The following MRAP variants were observed in gnomAD, a reference collection of about 807,000 sequenced individuals.
MRAP encodes the protein melanocortin 2 receptor accessory protein.
In MRAP, 8 loss-of-function variants were observed where a neutral mutation model predicts 8.7. The observed-to-expected ratio is 0.92, with a 90% CI of 0.54 to 1.66. MRAP has a LOEUF of 1.66. Among genes scored for constraint, MRAP ranks in the 40% most tolerant of loss-of-function variants. The probability of loss-of-function intolerance (pLI) is 0.00; values close to 1 mark genes in which losing one functional copy is unlikely to be tolerated. For missense variants in MRAP, 237 were observed against 217.1 expected, an observed-to-expected ratio of 1.09 and a Z score of -0.58; for synonymous variants, 95 against 95.5, an observed-to-expected ratio of 1.00 and a Z score of 0.03.
chr21:32,292,720 T>C (rs1266917819), intron 1 of MRAP, among the ~76,000 whole-genome samples: 1 of 151,876 alleles, frequency 6.6e-6, no homozygotes, highest in African/African-American at 2.4e-5. Flanking sequence ...GCCTCCCAAA[T>C]TGCAGGTAAT....
At chr21:32,299,964 G>A (rs999423674) in intron 1 of MRAP, among the ~76,000 whole-genome samples, 9 of 152,156 alleles carry the variant, frequency 5.9e-5, no homozygotes, top group Admixed American at 2.6e-4. Flanking sequence ...AATTAGATGC[G>A]GAAGTGAGCA....
chr21:32,313,761 G>A (rs1175602688), downstream of MRAP: 4 of 152,230 alleles, frequency 2.6e-5, no homozygotes, highest in African/African-American at 9.7e-5. Flanking sequence ...AGAGCCCCAG[G>A]CATGCAGGAG....
At chr21:32,293,441 G>T (rs973649158) in intron 2 of MRAP, among the ~76,000 whole-genome samples, 5 of 152,146 alleles carry the variant, frequency 3.3e-5, no homozygotes, top group African/African-American at 9.7e-5. Context: ...ATGCACCCAG[G>T]TTGCAAATCT....
At chr21:32,304,767 G>A (rs768318266) in intron 1 of MRAP, among the ~76,000 whole-genome samples, 1 of 151,994 alleles carries the variant, frequency 6.6e-6, no homozygotes, top group Non-Finnish European at 1.5e-5. Flanking sequence ...TGCTCTAGGG[G>A]ACTGCGTCAG....
chr21:32,293,611 C>T (rs576155814), intron 2 of MRAP, among the ~76,000 whole-genome samples: 8 of 152,140 alleles, frequency 5.3e-5, no homozygotes, highest in Non-Finnish European at 1.0e-4. Flanking sequence ...TGTGCCGTCT[C>T]CCTCTCTAGA....
At chr21:32,305,652 C>G (rs1037361802) in intron 1 of MRAP, among the ~76,000 whole-genome samples, 4 of 152,268 alleles carry the variant, frequency 2.6e-5, no homozygotes, top group African/African-American at 9.6e-5. Context: ...AATGAATTCT[C>G]GTTAGGTTAT....
At position 32,298,867 on chromosome 21, in the gene MRAP, G is replaced by C. The variant is rs1279954075; in HGVS notation, c.-105G>C. ...AGCCTAGAGACCCACAGACACACTT[G>C]GACGATTCCTGCAGAAATCAGTGAG... is the stretch of plus-strand genomic sequence containing the variant. On this transcript the variant is annotated 5_prime_UTR_variant, in exon 1 of 3. Coordinates refer to ENST00000303645, the MANE Select transcript of MRAP (RefSeq NM_001379228.1). The C allele has an allele frequency of 5.0e-6, 4 of 801,764 alleles. No individual in the cohort carries two copies. The highest frequency in any genetic ancestry group is 8.6e-6 in the Non-Finnish European group (4 of 463,640). The allele number at this position is 801,764 out of a possible 1,614,324, so 49.7% of individuals were successfully genotyped here. A position where few individuals can be genotyped will look rare whatever the true frequency, so the allele number is the denominator to read the frequency against.
In MRAP at chr21:32,303,172, C is replaced by T. The variant is rs554539654; in HGVS notation, c.107-3468C>T. ...TTTTATTTTGTATTTTTAGTAGAGA[C>T]GGGGTTTCACCATGTTGGCCAGGCT... On this transcript the variant is annotated intron_variant, in intron 1 of 2. Coordinates refer to ENST00000303645, the MANE Select transcript of MRAP (RefSeq NM_001379228.1). Among the ~76,000 whole-genome samples, 267 of 151,966 alleles carry T rather than the reference C, an allele frequency of 1.8e-3. 1 individual carries two copies. Among genetic ancestry groups the T allele is most frequent in the African/African-American group, 6.2e-3 (257 of 41,456 alleles).
At chr21:32,302,388 T>G (rs2032314670) in intron 1 of MRAP, among the ~76,000 whole-genome samples, 1 of 152,248 alleles carries the variant, frequency 6.6e-6, no homozygotes, top group Admixed American at 6.5e-5. Flanking sequence ...TGTGTTTTAG[T>G]AAGAATTCTA....
At chr21:32,313,101 G>A (rs963104289), downstream of MRAP, 1 of 152,232 alleles carries the variant, frequency 6.6e-6, no homozygotes, top group Non-Finnish European at 1.5e-5. Context: ...CTCGGCTTTG[G>A]AGCATTTGTC....
At chr21:32,306,390 T>G (rs984329247) in intron 1 of MRAP, 5 of 515,540 alleles carry the variant, frequency 9.7e-6, no homozygotes, top group Non-Finnish European at 1.8e-5. Flanking sequence ...ATTCAGTGTT[T>G]CCTCTTAACA....
downstream of MRAP, chr21:32,314,601 G>A (rs115917390): frequency 6.6e-5 from 106 of 1,614,094 alleles, no homozygotes; most frequent in South Asian, 3.0e-4. Context: ...CCTCAAACTC[G>A]AGCTATTTCC....
chr21:32,300,802 C>A (rs1289257360), intron 1 of MRAP, among the ~76,000 whole-genome samples: 1 of 139,398 alleles, frequency 7.2e-6, no homozygotes, highest in Non-Finnish European at 1.5e-5. Context: ...GTCATGCATC[C>A]TATGTCAGGG....
At chr21:32,294,682 T>C (rs1256645784), upstream of MRAP, among the ~76,000 whole-genome samples, 3 of 152,212 alleles carry the variant, frequency 2.0e-5, no homozygotes, top group Admixed American at 2.0e-4. Flanking sequence ...AAACAAATGT[T>C]TTAAATTTCA....
At chr21:32,299,181 A>G in intron 1 of MRAP, 104 bp downstream of exon 1, 1 of 827,380 alleles carries the variant, frequency 1.2e-6, no homozygotes, top group Non-Finnish European at 2.0e-6. Flanking sequence ...ACTCCGGTAG[A>G]CATCATGGGA....
At position 32,311,899 on chromosome 21, in the gene MRAP, C is replaced by G; in HGVS notation, c.422C>G (p.Thr141Ser). The G allele has an allele frequency of 6.2e-7, 1 of 1,614,010 alleles. No homozygotes were observed. The highest frequency in any genetic ancestry group is 1.1e-5 in the South Asian group (1 of 91,088). The change falls in exon 3 of 3, where the codon ACT (threonine) becomes AGT (serine). Residue 141 changes from threonine (T) to serine (S), a missense_variant. Coordinates refer to ENST00000303645, the MANE Select transcript of MRAP (RefSeq NM_001379228.1). ...LPLGGFQTHP[T>S]LLWELTLNGG... is the part of the protein sequence containing the mutation. ...CTCGGGGGTTTCCAGACCCACCCCA[C>G]TCTCCTCTGGGAACTGACCCTCAAT...
chr21:32,311,532 G>A (rs1347521934), intron 2 of MRAP, 152 bp from the exon 3 acceptor site: 1 of 1,114,624 alleles, frequency 9.0e-7, no homozygotes, highest in Non-Finnish European at 1.3e-6. Context: ...CCACCTTTGT[G>A]AGCTGGCTGA....
At chr21:32,300,379 CAGG>C (rs761110585) in intron 1 of MRAP, among the ~76,000 whole-genome samples, 1 of 147,740 alleles carries the variant, frequency 6.8e-6, no homozygotes, top group East Asian at 2.1e-4. Context: ...CATCCTATGT[CAGG>C]GGCGTCACGC....
At chr21:32,308,247 G>A (rs576324276) in intron 2 of MRAP, among the ~76,000 whole-genome samples, 1 of 152,122 alleles carries the variant, frequency 6.6e-6, no homozygotes, top group Admixed American at 6.5e-5. Context: ...GTGTGGTGGT[G>A]TATGCCTGTA....
Sources: allele counts gnomAD v4.1 joint callset (sites outside exome capture counted in the v4.1 genomes callset), GRCh38; gene constraint gnomAD v4.1.1; transcripts MANE v1.5; gene names NCBI Gene and HGNC (gene_info 2026-07-23, HGNC 2026-07-21).